CDCP2: variants seen among roughly 807,000 people sequenced by gnomAD.
CDCP2 encodes the protein CUB domain containing protein 2.
Under a neutral mutation model 31.0 loss-of-function variants are expected in CDCP2, and 31 were observed. The observed-to-expected ratio is 1.00, with a 90% CI of 0.75 to 1.35. The LOEUF (loss-of-function observed/expected upper bound fraction) is 1.35. Among genes scored for constraint, CDCP2 ranks in the 40% most tolerant of loss-of-function variants. The pLI, the probability that CDCP2 is intolerant of heterozygous loss-of-function variation, is 0.00. For missense variants in CDCP2, 443 were observed against 482.6 expected (o/e 0.92, Z 0.77); for synonymous variants, 206 against 207.9 (o/e 0.99, Z 0.08).
chr1:54,143,014 T>A (rs1292188222), intron 2 of CDCP2: 1 of 152,242 alleles, frequency 6.6e-6, no homozygotes, highest in African/African-American at 2.4e-5. Flanking sequence ...ACTTGTGTTT[T>A]TAATGACTGG....
chr1:54,152,781 C>A, intron 1 of CDCP2, 63 bp downstream of exon 1: 4 of 1,479,390 alleles, frequency 2.7e-6, no homozygotes, highest in Non-Finnish European at 3.7e-6. Context: ...CTTCTTGAGC[C>A]CCTGGCTGTT....
chr1:54,141,684 T>C, intron 2 of CDCP2: 1 of 390,586 alleles, frequency 2.6e-6, no homozygotes, highest in East Asian at 3.9e-5. Context: ...TCTGATTTTA[T>C]AATTAAGAAA....
At chr1:54,136,121 C>A (rs1659255450) in intron 5 of CDCP2, among the ~76,000 whole-genome samples, 1 of 152,136 alleles carries the variant, frequency 6.6e-6, no homozygotes, top group African/African-American at 2.4e-5. Context: ...TTGAAAGGGC[C>A]TTTTGTGCTG....
At chr1:54,134,127 C>A (rs551535283) in intron 5 of CDCP2, among the ~76,000 whole-genome samples, 69 of 152,306 alleles carry the variant, frequency 4.5e-4, no homozygotes, top group African/African-American at 1.3e-3. Flanking sequence ...CCATCCTTGG[C>A]AAATTTACAG....
chr1:54,149,528 G>A (rs1291063641), intron 1 of CDCP2, among the ~76,000 whole-genome samples: 1 of 152,150 alleles, frequency 6.6e-6, no homozygotes, highest in Non-Finnish European at 1.5e-5. Context: ...ATAATTAAAA[G>A]TCAACAAAAT....
intron 1 of CDCP2, among the ~76,000 whole-genome samples, chr1:54,146,455 T>C (rs150477717): frequency 2.6e-5 from 4 of 151,920 alleles, no homozygotes; most frequent in African/African-American, 4.8e-5. Context: ...GCTGGGATTA[T>C]AGGCATGAGC....
intron 1 of CDCP2, among the ~76,000 whole-genome samples, chr1:54,146,328 C>T (rs1285020940): frequency 4.0e-5 from 6 of 151,312 alleles, no homozygotes; most frequent in African/African-American, 9.8e-5. Flanking sequence ...TACAGGTGCC[C>T]GCCACCACAC....
At chr1:54,144,690 A>G (rs1659432638) in exon 2 of CDCP2, 1 of 1,614,218 alleles carries the variant, frequency 6.2e-7, no homozygotes, top group Non-Finnish European at 8.5e-7. Flanking sequence ...GGTGAGCAGC[A>G]CCGAGGATCC....
intron 3 of CDCP2, chr1:54,140,492 T>A (rs1207390092): frequency 3.1e-6 from 1 of 319,610 alleles, no homozygotes; most frequent in Non-Finnish European, 5.9e-6. Context: ...ATTTGGTATG[T>A]ACTATGAGCA....
chr1:54,133,049 G>T, exon 6 of CDCP2: 1 of 399,078 alleles, frequency 2.5e-6, no homozygotes, highest in Non-Finnish European at 4.4e-6. Flanking sequence ...CGATGTCACT[G>T]GTATCCTGGG....
intron 2 of CDCP2, chr1:54,141,871 G>A (rs189686248): frequency 8.6e-5 from 14 of 162,374 alleles, no homozygotes; most frequent in Admixed American, 5.9e-4. Flanking sequence ...ACCTTGGGGG[G>A]AACTCTGGGG....
chr1:54,138,246 T>C (rs775510900), intron 4 of CDCP2: 1 of 152,452 alleles, frequency 6.6e-6, no homozygotes, highest in Non-Finnish European at 1.5e-5. Flanking sequence ...TCTGTCAATA[T>C]CCTCATCTTA....
intron 5 of CDCP2, among the ~76,000 whole-genome samples, chr1:54,134,244 C>A (rs1385433144): frequency 2.0e-5 from 3 of 152,236 alleles, no homozygotes; most frequent in Admixed American, 6.5e-5. Flanking sequence ...ATGGCTTCCC[C>A]CTGCAGCCTT....
At position 54,139,569 on chromosome 1, in the gene CDCP2, G is replaced by A. The variant is rs41294792; in HGVS notation, c.1117+184C>T. The A allele has an allele frequency of 7.9e-4, 1,276 of 1,613,064 alleles. 1 individual carries two copies. Among genetic ancestry groups the A allele is most frequent in the Non-Finnish European group, 9.8e-4 (1,154 of 1,179,800 alleles). ...GCAATAGTGGAAACAAGCGGGAGCC[G>A]TACCGTCCAGTCTTAGGGGTCCCGA... On this transcript the variant is annotated intron_variant, in intron 4 of 5. Transcript: ENST00000530059.
rs147901406 is a variant in CDCP2, at chr1:54,152,442, C to A, written c.79+402G>T. Among the ~76,000 whole-genome samples, 5 of 146,392 alleles carry A rather than the reference C, an allele frequency of 3.4e-5. No individual in the cohort carries two copies. The Admixed American group carries it at 3.5e-4, about 10-fold the overall frequency. On this transcript the variant is annotated intron_variant, in intron 1 of 5. Transcript: ENST00000530059. ...TAGGGCCACTGCACTCCAGCCTGGGCGACAGGGCAAGACTGTCTCAAAAAA... is the reference window on the plus strand; with the variant it reads ...TAGGGCCACTGCACTCCAGCCTGGGAGACAGGGCAAGACTGTCTCAAAAAA...
chr1:54,144,231 A>G, intron 2 of CDCP2: 1 of 486,632 alleles, frequency 2.1e-6, no homozygotes, highest in South Asian at 3.0e-5. Context: ...TAAACTATGC[A>G]TGAGAGCTGG....
At chr1:54,151,080 T>C (rs1999175) in intron 1 of CDCP2, among the ~76,000 whole-genome samples, 14,671 of 152,110 alleles carry the variant, frequency 0.096, 732 homozygotes, top group South Asian at 0.15. Flanking sequence ...GGGCAAGATT[T>C]CCAGAGGGGG....
At chr1:54,141,615 C>T (rs1014750092) in intron 2 of CDCP2, 182 bp from the exon 3 acceptor site, 2 of 567,674 alleles carry the variant, frequency 3.5e-6, no homozygotes, top group South Asian at 2.5e-5. Flanking sequence ...CAGCATTTGG[C>T]ACCTATGCTG....
At chr1:54,134,097 A>C (rs1659216842) in intron 5 of CDCP2, among the ~76,000 whole-genome samples, 2 of 152,132 alleles carry the variant, frequency 1.3e-5, no homozygotes. Context: ...GGGGCTTTTC[A>C]AAGCATCGAC....
Sources: allele counts gnomAD v4.1 joint callset (sites outside exome capture counted in the v4.1 genomes callset), GRCh38; gene constraint gnomAD v4.1.1; transcripts MANE v1.5; gene names NCBI Gene and HGNC (gene_info 2026-07-23, HGNC 2026-07-21).